Variants in TTLL13 observed in about 807,000 individuals in gnomAD.
TTLL13 encodes the protein tubulin tyrosine ligase like 13.
At chr15:90,257,547 G>A in the TTLL13 span, 45 of 1,220,018 alleles carry the variant, frequency 3.7e-5, no homozygotes, top group Middle Eastern at 2.1e-4. Context: ...AGAGATCCTC[G>A]GGAGGGGTGG....
chr15:90,256,100 G>T, the TTLL13 span: 1 of 1,606,452 alleles, frequency 6.2e-7, no homozygotes, highest in South Asian at 1.1e-5. Flanking sequence ...GGAAAGCCTT[G>T]ATGCACAGAA....
the TTLL13 span, chr15:90,262,269 G>C: frequency 1.7e-5 from 24 of 1,379,880 alleles, no homozygotes; most frequent in Non-Finnish European, 1.7e-5. Flanking sequence ...AGCAGGGAAA[G>C]AGGAAGCCAG....
At chr15:90,250,925 A>C in the TTLL13 span, 1 of 1,600,482 alleles carries the variant, frequency 6.2e-7, no homozygotes, top group South Asian at 1.1e-5. Context: ...GCCCAGCTCC[A>C]GGGAGTCACC....
chr15:90,257,227 G>A, the TTLL13 span: 7 of 1,613,960 alleles, frequency 4.3e-6, no homozygotes, highest in African/African-American at 6.7e-5. Flanking sequence ...CATATGAGGA[G>A]GGCCTAGCCC....
At chr15:90,263,589 G>A in the TTLL13 span, 2 of 576,368 alleles carry the variant, frequency 3.5e-6, no homozygotes, top group Non-Finnish European at 6.2e-6. Context: ...TAGCAAACCT[G>A]TTGGGTCTTC....
chr15:90,255,721 C>T, the TTLL13 span: 455,422 of 1,613,376 alleles, frequency 0.28, 72,300 homozygotes, highest in East Asian at 0.66. Context: ...ATGCCACTTA[C>T]TCTGGGGGCT....
chr15:90,252,331 C>A, the TTLL13 span, among the ~76,000 whole-genome samples: 893 of 152,144 alleles, frequency 5.9e-3, 7 homozygotes, highest in African/African-American at 0.021. Flanking sequence ...GCCACCATGC[C>A]CAGCCTGCCC....
At chr15:90,263,967 AGG>A in the TTLL13 span, 15 of 1,535,906 alleles carry the variant, frequency 9.8e-6, no homozygotes, top group Non-Finnish European at 1.3e-5. Flanking sequence ...TCAACTGGAC[AGG>A]AGAGCCGGCA....
chr15:90,258,719 G>A, the TTLL13 span: 3 of 1,603,346 alleles, frequency 1.9e-6, no homozygotes, highest in Admixed American at 5.0e-5. Flanking sequence ...TGGGAAAGGG[G>A]TGTATAATGA....
chr15:90,262,464 A>C, the TTLL13 span: 1 of 1,449,204 alleles, frequency 6.9e-7, no homozygotes, highest in Non-Finnish European at 9.0e-7. Flanking sequence ...CCATTTCTCT[A>C]CTGTCTGAAG....
At chr15:90,262,991 T>C in the TTLL13 span, 1 of 1,536,002 alleles carries the variant, frequency 6.5e-7, no homozygotes, top group Non-Finnish European at 8.7e-7. Context: ...CTGGACACCA[T>C]GAGGCCTCAA....
At chr15:90,258,183 T>C in the TTLL13 span, 1 of 1,614,256 alleles carries the variant, frequency 6.2e-7, no homozygotes, top group Non-Finnish European at 8.5e-7. Context: ...TTTTCCCCAG[T>C]ATCTGAATGG....
At chr15:90,256,600 T>TC in the TTLL13 span, among the ~76,000 whole-genome samples, 1 of 33,984 alleles carries the variant, frequency 2.9e-5, no homozygotes, top group Non-Finnish European at 5.6e-5. Flanking sequence ...TTTCTTTCTT[T>TC]CTTTCTTTCC....
chr15:90,262,848 C>T, the TTLL13 span: 1 of 1,297,512 alleles, frequency 7.7e-7, no homozygotes, highest in Non-Finnish European at 1.0e-6. Flanking sequence ...GCAAAAGGAA[C>T]CTTCCTGGGT....
At chr15:90,257,348 G>T in the TTLL13 span, 1 of 1,539,760 alleles carries the variant, frequency 6.5e-7, no homozygotes, top group Non-Finnish European at 8.7e-7. Flanking sequence ...AGAGAAACAT[G>T]GTAGAGAGGT....
the TTLL13 span, chr15:90,258,401 T>C: frequency 1.3e-6 from 1 of 794,962 alleles, no homozygotes; most frequent in Non-Finnish European, 2.1e-6. Context: ...TGGGCAGGAA[T>C]GAGCAGAAGG....
chr15:90,252,893 T>C, the TTLL13 span, among the ~76,000 whole-genome samples: 74 of 151,962 alleles, frequency 4.9e-4, no homozygotes, highest in Non-Finnish European at 8.7e-4. Flanking sequence ...GTCCCAGCTA[T>C]TGGGGACGCT....
At chr15:90,262,977 A>G in the TTLL13 span, 1 of 1,535,594 alleles carries the variant, frequency 6.5e-7, no homozygotes, top group Non-Finnish European at 8.7e-7. Context: ...TGCTGCCGGG[A>G]CAGCTGGACA....
At chr15:90,256,212 G>C in the TTLL13 span, 1 of 1,614,226 alleles carries the variant, frequency 6.2e-7, no homozygotes, top group Non-Finnish European at 8.5e-7. Flanking sequence ...GACAGTGGCT[G>C]TCAGGGACGT....
Sources: allele counts gnomAD v4.1 joint callset (sites outside exome capture counted in the v4.1 genomes callset), GRCh38; gene constraint gnomAD v4.1.1; transcripts MANE v1.5; gene names NCBI Gene and HGNC (gene_info 2026-07-23, HGNC 2026-07-21).